The following ARNT2 variants were observed in gnomAD, a reference collection of about 807,000 sequenced individuals.
ARNT2 encodes the protein aryl hydrocarbon receptor nuclear translocator 2.
In ARNT2, 36 loss-of-function variants were observed where a neutral mutation model predicts 91.7. The ratio of observed to expected loss-of-function variants is 0.39; its 90% confidence interval spans 0.30 to 0.52. ARNT2 has a LOEUF of 0.52. ARNT2 is among the 20% of genes least tolerant of loss of function. ARNT2 has a pLI of 0.72. For missense variants in ARNT2, 775 were observed against 939.3 expected (o/e 0.83, Z 2.29); for synonymous variants, 365 against 347.1 (o/e 1.05, Z -0.57).
chr15:80,555,036 G>T, intron 10 of ARNT2, 29 bp from the exon 11 acceptor site: 3 of 1,592,454 alleles, frequency 1.9e-6, no homozygotes, highest in Non-Finnish European at 2.6e-6. Context: ...ATGGATCTGG[G>T]ATTATTAAAG....
At chr15:80,450,080 C>A (rs1226416145) in intron 1 of ARNT2, among the ~76,000 whole-genome samples, 1 of 152,178 alleles carries the variant, frequency 6.6e-6, no homozygotes, top group East Asian at 1.9e-4. Flanking sequence ...GAAAGAGAGA[C>A]TGCTTAGTGT....
intron 12 of ARNT2, among the ~76,000 whole-genome samples, chr15:80,570,750 T>C (rs571425295): frequency 6.7e-6 from 1 of 148,850 alleles, no homozygotes; most frequent in African/African-American, 2.6e-5. Flanking sequence ...CACACTGTAA[T>C]TGCTTGCCCA....
chr15:80,509,523 G>A (rs1897315214), intron 6 of ARNT2, among the ~76,000 whole-genome samples: 3 of 152,072 alleles, frequency 2.0e-5, no homozygotes, highest in Non-Finnish European at 4.4e-5. Context: ...ATTTTAGTAG[G>A]GGTGATACAA....
At position 80,442,982 on chromosome 15, in the gene ARNT2, A is replaced by G. The variant is rs1004524228; in HGVS notation, c.32-7898A>G. 6.9e-5 allele frequency: 68 copies of G among 985,212 alleles called. No homozygotes were observed. In the African/African-American group the frequency reaches 1.1e-3, roughly 16 times the overall value. The allele number at this position is 985,212 out of a possible 1,614,324, so 61.0% of individuals were successfully genotyped here. A position where few individuals can be genotyped will look rare whatever the true frequency, so the allele number is the denominator to read the frequency against. Reference sequence around the variant, plus strand: ...CATCATTCAGGCCTTGTCATCTCTCACCTGGACTGCTGTGACCTTCATTCA... The same window carrying G: ...CATCATTCAGGCCTTGTCATCTCTCGCCTGGACTGCTGTGACCTTCATTCA... On this transcript the variant is annotated intron_variant, in intron 1 of 18. Transcript: ENST00000303329.
In ARNT2 at chr15:80,596,951, G is replaced by T; in HGVS notation, c.*3253G>T. On this transcript the variant is annotated 3_prime_UTR_variant, in exon 19 of 19. Transcript: ENST00000303329. The stretch of plus-strand genomic sequence containing the variant: ...AGTTTTATTTTTAGCTTTGGCTTCA[G>T]GGAGTGACAGCCATCACAAATAGCC... 5.6e-6 allele frequency: 2 copies of T among 354,706 alleles called. No homozygotes were observed. The highest frequency in any genetic ancestry group is 1.1e-5 in the Non-Finnish European group (2 of 179,764). The allele number at this position is 354,706 out of a possible 1,614,324, so 22.0% of individuals were successfully genotyped here. A position where few individuals can be genotyped will look rare whatever the true frequency, so the allele number is the denominator to read the frequency against.
intron 3 of ARNT2, among the ~76,000 whole-genome samples, chr15:80,466,885 C>G (rs933768910): frequency 6.6e-6 from 1 of 152,228 alleles, no homozygotes; most frequent in African/African-American, 2.4e-5. Flanking sequence ...CTTCTTCATA[C>G]ACCTTATCTC....
intron 17 of ARNT2, among the ~76,000 whole-genome samples, chr15:80,587,721 G>T (rs1893199748): frequency 6.6e-6 from 1 of 152,218 alleles, no homozygotes; most frequent in Non-Finnish European, 1.5e-5. Context: ...TCTGGGCTGG[G>T]AGGTGGCCCA....
intron 15 of ARNT2, 178 bp from the exon 16 acceptor site, chr15:80,580,233 G>T: frequency 1.3e-6 from 1 of 752,662 alleles, no homozygotes; most frequent in Non-Finnish European, 2.3e-6. Flanking sequence ...CCTGAAGGGA[G>T]AGGAGGACGG....
At chr15:80,558,185 C>T (rs940500130) in intron 11 of ARNT2, among the ~76,000 whole-genome samples, 1 of 152,160 alleles carries the variant, frequency 6.6e-6, no homozygotes, top group Admixed American at 6.5e-5. Context: ...GTCACCCTAG[C>T]TAAGAAAGTC....
chr15:80,485,922 T>A (rs1447075830), intron 5 of ARNT2, among the ~76,000 whole-genome samples: 1 of 152,218 alleles, frequency 6.6e-6, no homozygotes, highest in Non-Finnish European at 1.5e-5. Context: ...GCTGCCGTAG[T>A]ACATTACTAC....
chr15:80,433,883 A>G (rs576470759), intron 1 of ARNT2: 12 of 152,336 alleles, frequency 7.9e-5, no homozygotes, highest in Non-Finnish European at 1.5e-4. Context: ...GCATGATCCA[A>G]TGTCAATCGG....
chr15:80,485,284 C>T (rs1442340837), intron 5 of ARNT2, among the ~76,000 whole-genome samples: 1 of 152,192 alleles, frequency 6.6e-6, no homozygotes, highest in Non-Finnish European at 1.5e-5. Context: ...ATCCCCATTG[C>T]AGGCTCAGGT....
intron 5 of ARNT2, among the ~76,000 whole-genome samples, chr15:80,484,874 G>A (rs77341400): frequency 6.6e-6 from 1 of 152,168 alleles, no homozygotes; most frequent in Non-Finnish European, 1.5e-5. Flanking sequence ...CCTGTACTTG[G>A]AGTCAGATGA....
chr15:80,427,611 C>T (rs553257654), intron 1 of ARNT2, among the ~76,000 whole-genome samples: 1 of 152,248 alleles, frequency 6.6e-6, no homozygotes, highest in East Asian at 1.9e-4. Context: ...TCTAGGTACA[C>T]CTATGCCAAG....
In ARNT2 at chr15:80,513,898, T is replaced by A; in HGVS notation, c.726-13T>A. On this transcript the variant is annotated splice_polypyrimidine_tract_variant and intron_variant, in intron 6 of 18. Coordinates refer to ENST00000303329, the MANE Select transcript of ARNT2 (RefSeq NM_014862.4). The stretch of plus-strand genomic sequence containing the variant: ...GGGTCTTTGCTCATTCTAATACACT[T>A]GTCACATCTTAGGTGTGGAAATGCT... The A allele has an allele frequency of 6.2e-7, 1 of 1,607,820 alleles. No homozygotes were observed. The highest frequency in any genetic ancestry group is 8.5e-7 in the Non-Finnish European group (1 of 1,174,314).
At chr15:80,576,773 AC>A in intron 14 of ARNT2, 92 bp from the exon 15 acceptor site, 1 of 1,363,398 alleles carries the variant, frequency 7.3e-7, no homozygotes, top group Non-Finnish European at 1.0e-6. Context: ...TCCCGTTCCC[AC>A]GCCCACCCCT....
intron 1 of ARNT2, chr15:80,434,255 G>A (rs1296845623): frequency 6.6e-6 from 1 of 152,188 alleles, no homozygotes; most frequent in Non-Finnish European, 1.5e-5. Context: ...CTCTGAGGAT[G>A]CTTCTGAGGC....
At chr15:80,545,493 G>A (rs927788152) in intron 8 of ARNT2, among the ~76,000 whole-genome samples, 3 of 152,200 alleles carry the variant, frequency 2.0e-5, no homozygotes, top group Non-Finnish European at 4.4e-5. Context: ...CAGAGGAATG[G>A]TGTGGCCAAC....
intron 5 of ARNT2, among the ~76,000 whole-genome samples, chr15:80,502,297 G>A (rs953422384): frequency 1.3e-4 from 20 of 152,232 alleles, no homozygotes; most frequent in African/African-American, 4.6e-4. Flanking sequence ...GGCATGGCTG[G>A]CTGCCCCGGA....
Sources: gnomAD v4.1 joint callset for allele counts (sites outside exome capture counted in the v4.1 genomes callset) on GRCh38, gnomAD v4.1.1 for gene constraint, MANE v1.5 for transcripts, NCBI Gene and HGNC (gene_info 2026-07-23, HGNC 2026-07-21) for gene names.